KPLCE: variants seen among roughly 807,000 people sequenced by gnomAD.
KPLCE encodes the protein KPRP N-terminal and LCE C-terminal like protein, also known as protein KPLCE.
chr1:152,720,256 G>T, the KPLCE span: 1 of 1,547,654 alleles, frequency 6.5e-7, no homozygotes. Flanking sequence ...GTGACCATGA[G>T]GATGACTGCT....
the KPLCE span, chr1:152,720,378 A>C: frequency 3.1e-6 from 3 of 982,044 alleles, no homozygotes; most frequent in African/African-American, 1.6e-5. Flanking sequence ...GTAGAACCTC[A>C]TCACTTTGCC....
At chr1:152,719,590 G>T in the KPLCE span, 1 of 1,551,700 alleles carries the variant, frequency 6.4e-7, no homozygotes, top group East Asian at 2.4e-5. Context: ...TAGGGGCTGG[G>T]CAGGGTAGCA....
chr1:152,720,285 G>T, the KPLCE span: 2 of 1,529,726 alleles, frequency 1.3e-6, no homozygotes, highest in Non-Finnish European at 1.8e-6. Flanking sequence ...ACATACGACA[G>T]CTCAACTCCA....
At chr1:152,720,219 C>T in the KPLCE span, 2 of 1,551,574 alleles carry the variant, frequency 1.3e-6, no homozygotes, top group African/African-American at 1.4e-5. Context: ...GGAATTATCC[C>T]CATGAGGTCC....
At chr1:152,719,686 T>A in the KPLCE span, 5 of 1,552,220 alleles carry the variant, frequency 3.2e-6, no homozygotes, top group Non-Finnish European at 4.4e-6. Context: ...CTCAAACTTA[T>A]GTGAAGTACC....
chr1:152,720,101 A>C, the KPLCE span: 1 of 1,551,706 alleles, frequency 6.4e-7, no homozygotes. Context: ...CCAGAACTGC[A>C]ACACAGGATC....
chr1:152,720,186 G>A, the KPLCE span: 1 of 1,551,734 alleles, frequency 6.4e-7, no homozygotes, highest in South Asian at 1.2e-5. Flanking sequence ...TGTGGATGTG[G>A]CAGCTCTGGG....
chr1:152,720,313 AC>A, the KPLCE span: 2 of 1,460,538 alleles, frequency 1.4e-6, no homozygotes, highest in Non-Finnish European at 1.8e-6. Flanking sequence ...CTGCCCCGCT[AC>A]CCCTTCTGGA....
At chr1:152,719,851 G>T in the KPLCE span, 6 of 1,552,214 alleles carry the variant, frequency 3.9e-6, no homozygotes, top group South Asian at 7.1e-5. Context: ...AAACCTACGT[G>T]AAGTGCCCAG....
At chr1:152,719,633 C>T in the KPLCE span, 1 of 1,551,938 alleles carries the variant, frequency 6.4e-7, no homozygotes, top group African/African-American at 1.4e-5. Context: ...AGTTCCATGC[C>T]AGACCCAAAC....
chr1:152,719,536 G>A, the KPLCE span: 1 of 1,551,366 alleles, frequency 6.4e-7, no homozygotes, highest in East Asian at 2.4e-5. Flanking sequence ...GTGACCAGCA[G>A]AAGCAGCCAC....
the KPLCE span, chr1:152,719,714 C>T: frequency 6.4e-7 from 1 of 1,552,244 alleles, no homozygotes; most frequent in Non-Finnish European, 8.7e-7. Context: ...ATGCCAGACT[C>T]AAACCTACGT....
chr1:152,720,393 T>A, the KPLCE span: 10 of 871,824 alleles, frequency 1.1e-5, no homozygotes, highest in East Asian at 2.7e-4. Context: ...TTTGCCTCTG[T>A]GCTTTGCTTC....
the KPLCE span, chr1:152,719,737 T>A: frequency 1.9e-6 from 3 of 1,552,092 alleles, no homozygotes; most frequent in Admixed American, 3.9e-5. Context: ...AGTGCCCAGC[T>A]CCCTGCCAGA....
At chr1:152,720,367 T>C in the KPLCE span, 1 of 1,050,542 alleles carries the variant, frequency 9.5e-7, no homozygotes, top group East Asian at 2.6e-5. Context: ...GTGCCAGTGA[T>C]GTAGAACCTC....
At chr1:152,719,837 T>A in the KPLCE span, 1 of 1,551,138 alleles carries the variant, frequency 6.4e-7, no homozygotes, top group East Asian at 2.4e-5. Context: ...CCCAACTCCC[T>A]GCCAAACCTA....
the KPLCE span, chr1:152,720,056 G>A: frequency 2.7e-4 from 418 of 1,551,696 alleles, no homozygotes; most frequent in Middle Eastern, 1.7e-3. Context: ...CCGGACCTTC[G>A]GGGTGAGTCC....
At chr1:152,720,387 C>T in the KPLCE span, 1 of 895,432 alleles carries the variant, frequency 1.1e-6, no homozygotes, top group Non-Finnish European at 1.7e-6. Flanking sequence ...CATCACTTTG[C>T]CTCTGTGCTT....
At chr1:152,719,855 T>C in the KPLCE span, 1 of 1,552,198 alleles carries the variant, frequency 6.4e-7, no homozygotes, top group Non-Finnish European at 8.7e-7. Flanking sequence ...CTACGTGAAG[T>C]GCCCAGCTCC....
Sources: allele counts gnomAD v4.1 joint callset, GRCh38; gene constraint gnomAD v4.1.1; transcripts MANE v1.5; gene names NCBI Gene and HGNC (gene_info 2026-07-23, HGNC 2026-07-21).